Variants in GRIN2B observed in about 807,000 individuals in gnomAD.
GRIN2B encodes glutamate ionotropic receptor NMDA type subunit 2B.
In GRIN2B, 5 loss-of-function variants were observed where a neutral mutation model predicts 114.5. That is an observed-to-expected ratio of 0.04 (90% CI 0.02 to 0.09). GRIN2B has a LOEUF of 0.09. Ranked by LOEUF, GRIN2B falls within the 10% of genes least tolerant of loss-of-function variation. The pLI is 1.00. For missense variants in GRIN2B, 1,108 were observed against 1,943.5 expected (o/e 0.57, Z 8.08); for synonymous variants, 787 against 745.1 (o/e 1.06, Z -0.92).
At chr12:13,945,598 G>C (rs1867349809) in intron 2 of GRIN2B, among the ~76,000 whole-genome samples, 1 of 152,158 alleles carries the variant, frequency 6.6e-6, no homozygotes, top group Non-Finnish European at 1.5e-5. Context: ...CCTTTTCATA[G>C]AGCACAGTGG....
At chr12:13,611,105 C>T (rs1949360432) in intron 9 of GRIN2B, among the ~76,000 whole-genome samples, 1 of 152,168 alleles carries the variant, frequency 6.6e-6, no homozygotes, top group Non-Finnish European at 1.5e-5. Context: ...CATGGGCAGC[C>T]CTCACATCTC....
chr12:13,634,508 A>G (rs1230652409), intron 5 of GRIN2B, among the ~76,000 whole-genome samples: 1 of 152,198 alleles, frequency 6.6e-6, no homozygotes. Context: ...AGGTGTCTGC[A>G]TTCCAACTAG....
chr12:13,829,446 G>A (rs77250436), intron 3 of GRIN2B, among the ~76,000 whole-genome samples: 2,282 of 152,166 alleles, frequency 0.015, 60 homozygotes, highest in African/African-American at 0.051. Context: ...TTGTGACCTC[G>A]ATTGATAAGA....
At chr12:13,923,498 T>C (rs17834134) in intron 2 of GRIN2B, among the ~76,000 whole-genome samples, 10,812 of 152,248 alleles carry the variant, frequency 0.071, 482 homozygotes, top group Middle Eastern at 0.13. Flanking sequence ...ATTAGCAAAA[T>C]ACATCCATGG....
At chr12:13,693,661 T>C (rs1260739916) in intron 4 of GRIN2B, among the ~76,000 whole-genome samples, 1 of 152,164 alleles carries the variant, frequency 6.6e-6, no homozygotes, top group Non-Finnish European at 1.5e-5. Context: ...ATATCCCTGC[T>C]TCATAGTATG....
chr12:13,935,476 C>G (rs1257795737), intron 2 of GRIN2B, among the ~76,000 whole-genome samples: 1 of 152,172 alleles, frequency 6.6e-6, no homozygotes, highest in Non-Finnish European at 1.5e-5. Context: ...TGACTATTGT[C>G]AAGTCAGGGA....
At chr12:13,839,760 C>T (rs1865346750) in intron 3 of GRIN2B, among the ~76,000 whole-genome samples, 1 of 152,052 alleles carries the variant, frequency 6.6e-6, no homozygotes, top group Admixed American at 6.6e-5. Context: ...AAGAAAGGCC[C>T]AAAGAACCGA....
At chr12:13,960,650 T>C (rs1203854490) in intron 2 of GRIN2B, among the ~76,000 whole-genome samples, 1 of 152,148 alleles carries the variant, frequency 6.6e-6, no homozygotes, top group African/African-American at 2.4e-5. Flanking sequence ...CAATGAATTT[T>C]GTTTTGGATC....
In GRIN2B at chr12:13,562,926, C is replaced by A. The variant is rs763699668; in HGVS notation, c.4312G>T (p.Val1438Leu). Residue 1438 changes from valine to leucine, a missense_variant, in exon 14 of 14, where the codon GTG becomes TTG. By Grantham distance (32) the Val-to-Leu change is conservative. Transcript: ENST00000609686. ...ATGTCCTTCTGGAAACGGGCTGGCA[C>A]GGCCCCATGAAGGGCCGAGACCACC... Reference protein sequence around the residue: ...KPVVSALHGAVPARFQKDICI... With the variant: ...KPVVSALHGALPARFQKDICI... 1 of 1,614,212 alleles carries A rather than the reference C, an allele frequency of 6.2e-7. No homozygotes were observed.
chr12:13,608,866 G>A, intron 9 of GRIN2B, 34 bp from the exon 10 acceptor site: 1 of 1,499,132 alleles, frequency 6.7e-7, no homozygotes. Context: ...CGAAAGTTAA[G>A]CCATTGTGGC....
chr12:13,844,379 C>T (rs1452561587), intron 3 of GRIN2B, among the ~76,000 whole-genome samples: 4 of 152,128 alleles, frequency 2.6e-5, no homozygotes, highest in African/African-American at 9.7e-5. Flanking sequence ...CTTAAGCATG[C>T]ACTGTTAACA....
At chr12:13,631,662 ATAAT>A (rs1364952451) in intron 5 of GRIN2B, among the ~76,000 whole-genome samples, 2 of 152,244 alleles carry the variant, frequency 1.3e-5, no homozygotes, top group Admixed American at 6.5e-5. Flanking sequence ...CTGTGGTCAC[ATAAT>A]TAATAAATGG....
intron 2 of GRIN2B, among the ~76,000 whole-genome samples, chr12:13,916,650 C>G (rs1221007507): frequency 6.6e-6 from 1 of 151,348 alleles, no homozygotes; most frequent in East Asian, 2.0e-4. Flanking sequence ...GGATTCGAGA[C>G]CAGCCTGGGC....
At chr12:13,821,922 C>T (rs981299507) in intron 3 of GRIN2B, among the ~76,000 whole-genome samples, 31 of 152,040 alleles carry the variant, frequency 2.0e-4, no homozygotes, top group African/African-American at 6.3e-4. Flanking sequence ...AAAATAAATA[C>T]GGGAAGCAAT....
intron 2 of GRIN2B, among the ~76,000 whole-genome samples, chr12:13,959,350 G>A (rs1284686359): frequency 6.6e-6 from 1 of 152,202 alleles, no homozygotes; most frequent in Non-Finnish European, 1.5e-5. Context: ...GGGGCCCGCA[G>A]GGAGAGGGAG....
At chr12:13,597,748 TGTGCTTTGTTCA>T (rs1949094653) in intron 10 of GRIN2B, among the ~76,000 whole-genome samples, 1 of 152,238 alleles carries the variant, frequency 6.6e-6, no homozygotes, top group Non-Finnish European at 1.5e-5. Flanking sequence ...GGTTACTTTG[TGTGCTTTGTTCA>T]GTTCTTTGTT....
At chr12:13,933,182 T>A (rs919385277) in intron 2 of GRIN2B, among the ~76,000 whole-genome samples, 21 of 152,160 alleles carry the variant, frequency 1.4e-4, no homozygotes, top group African/African-American at 5.1e-4. Flanking sequence ...ATGCTAAGTC[T>A]CTTATTTCTT....
At chr12:13,619,974 G>A (rs750103022) in intron 5 of GRIN2B, among the ~76,000 whole-genome samples, 1 of 152,128 alleles carries the variant, frequency 6.6e-6, no homozygotes, top group Non-Finnish European at 1.5e-5. Flanking sequence ...GACAATAATA[G>A]GCTTTGGTAA....
rs554410359 is a variant in GRIN2B, at chr12:13,964,203, G to A, written c.-19+15725C>T. Among the ~76,000 whole-genome samples, 4 of 152,260 alleles carry A rather than the reference G, an allele frequency of 2.6e-5. No individual in the cohort carries two copies. In the East Asian group the frequency reaches 7.7e-4, roughly 29 times the overall value. ...GTACTTGCATCCCCTATCCCTGGGC[G>A]GTCACGTTGGCTCACCCGTGTCTGG... On this transcript the variant is annotated intron_variant, in intron 2 of 13. Transcript: ENST00000609686.
Sources: allele counts gnomAD v4.1 joint callset (sites outside exome capture counted in the v4.1 genomes callset), GRCh38; gene constraint gnomAD v4.1.1; transcripts MANE v1.5; gene names NCBI Gene and HGNC (gene_info 2026-07-23, HGNC 2026-07-21).